The following GFOD2 variants were observed in gnomAD, a reference collection of about 807,000 sequenced individuals.
GFOD2 encodes glucose-fructose oxidoreductase domain-containing protein 2.
Under a neutral mutation model 24.6 loss-of-function variants are expected in GFOD2, and 9 were observed. The ratio of observed to expected loss-of-function variants is 0.37; its 90% confidence interval spans 0.22 to 0.64. The LOEUF (loss-of-function observed/expected upper bound fraction) is 0.64. Ranked by LOEUF, GFOD2 falls within the 30% of genes least tolerant of loss-of-function variation. The pLI is 0.65. For synonymous variants in GFOD2, 211 were observed against 224.8 expected (o/e 0.94, Z 0.55); for missense variants, 476 against 532.5 (o/e 0.89, Z 1.04).
chr16:67,690,396 C>CTTTTTT (rs1465691101), intron 1 of GFOD2, among the ~76,000 whole-genome samples: 1 of 148,612 alleles, frequency 6.7e-6, no homozygotes, highest in Non-Finnish European at 1.5e-5. Flanking sequence ...CCATTATTCA[C>CTTTTTT]TATTTTTTTT....
intron 1 of GFOD2, among the ~76,000 whole-genome samples, chr16:67,687,286 G>GA (rs927839833): frequency 2.0e-4 from 30 of 150,750 alleles, no homozygotes; most frequent in African/African-American, 5.8e-4. Context: ...ATGCTCACTA[G>GA]AAAAAAAAAT....
At chr16:67,678,083 T>G (rs2053195681) in intron 2 of GFOD2, among the ~76,000 whole-genome samples, 1 of 152,224 alleles carries the variant, frequency 6.6e-6, no homozygotes, top group Non-Finnish European at 1.5e-5. Context: ...CAAGATGGAT[T>G]CTGTTCACAC....
intron 1 of GFOD2, among the ~76,000 whole-genome samples, chr16:67,706,900 T>G (rs1422458093): frequency 1.3e-5 from 2 of 151,508 alleles, no homozygotes; most frequent in African/African-American, 4.9e-5. Context: ...CTACCAAAAA[T>G]GCAAAAAAAT....
At position 67,685,807 on chromosome 16, in the gene GFOD2, A is replaced by G; in HGVS notation, c.-87-5T>C. 7.0e-7 allele frequency: 1 copy of G among 1,429,364 alleles called. No homozygotes were observed. The highest frequency in any genetic ancestry group is 1.3e-5 in the South Asian group (1 of 77,252). The allele number at this position is 1,429,364 out of a possible 1,614,324, so 88.5% of individuals were successfully genotyped here. On this transcript the variant is annotated splice_region_variant and splice_polypyrimidine_tract_variant and intron_variant, in intron 1 of 2. Coordinates refer to ENST00000268797, the MANE Select transcript of GFOD2 (RefSeq NM_030819.4). ...CGTCCTGGTCAGACATGGCTCCTAG[A>G]ATAGCAAACATTACACTGGTTATTA...
At chr16:67,705,877 T>A (rs1007328891) in intron 1 of GFOD2, among the ~76,000 whole-genome samples, 3 of 146,476 alleles carry the variant, frequency 2.0e-5, no homozygotes, top group Non-Finnish European at 4.5e-5. Flanking sequence ...GAGGCGGAGG[T>A]TGCAGTGAGC....
intron 1 of GFOD2, among the ~76,000 whole-genome samples, chr16:67,690,170 T>C (rs1266160490): frequency 2.0e-5 from 3 of 152,146 alleles, no homozygotes; most frequent in African/African-American, 7.2e-5. Flanking sequence ...TCTGCTTTCA[T>C]TTGTTTGGGG....
rs1300151279 is a variant in GFOD2 at position 67,713,041 on chromosome 16, C to T, written c.-88+6122G>A. On this transcript the variant is annotated intron_variant, in intron 1 of 2. Transcript: ENST00000268797. ...GGGACTACAGGCATGCACCACCACA[C>T]CCAGCTAATTTTTTTTATTTTTTAT... is the stretch of plus-strand genomic sequence containing the variant. 2.7e-4 allele frequency among the ~76,000 whole-genome samples: 38 copies of T among 143,066 alleles called. 1 individual carries two copies. The highest frequency in any genetic ancestry group is 2.6e-3 in the Admixed American group (38 of 14,822). The allele number at this position is 143,066 out of a possible 152,430, so 93.9% of individuals were successfully genotyped here.
chr16:67,711,569 T>TC (rs2053473994), intron 1 of GFOD2, among the ~76,000 whole-genome samples: 1 of 152,122 alleles, frequency 6.6e-6, no homozygotes, highest in African/African-American at 2.4e-5. Context: ...ATCAGCCAGG[T>TC]CCTCTTTAAG....
intron 2 of GFOD2, chr16:67,681,013 C>G (rs2053221396): frequency 4.1e-6 from 4 of 985,276 alleles, no homozygotes; most frequent in Middle Eastern, 5.2e-4. Flanking sequence ...GGAGAGTAGC[C>G]CCTGACTGCT....
At chr16:67,704,642 A>C (rs903701579) in intron 1 of GFOD2, among the ~76,000 whole-genome samples, 1 of 152,226 alleles carries the variant, frequency 6.6e-6, no homozygotes, top group South Asian at 2.1e-4. Flanking sequence ...ATACTAAAAA[A>C]ACCAAATTGT....
intron 1 of GFOD2, among the ~76,000 whole-genome samples, chr16:67,692,018 G>GTGTGTGTGTA (rs1471622267): frequency 1.3e-5 from 2 of 151,912 alleles, no homozygotes; most frequent in Non-Finnish European, 2.9e-5. Flanking sequence ...TTCTACTCGT[G>GTGTGTGTGTA]TGTGTGTGTA....
Position 67,674,919 on chromosome 16 carries a change from C to T in GFOD2, c.*236G>A, listed in dbSNP as rs532200147. On this transcript the variant is annotated 3_prime_UTR_variant, in exon 3 of 3. Transcript: ENST00000268797. ...CTGGCATCACCATGAGGAGGCCTGG[C>T]GGCAGCTCTGCCCTGTGCACACCGT... 6 of 516,938 alleles carry T rather than the reference C, an allele frequency of 1.2e-5. No individual in the cohort carries two copies. The highest frequency in any genetic ancestry group is 2.9e-5 in the South Asian group (1 of 34,740). The allele number at this position is 516,938 out of a possible 1,614,324, so 32.0% of individuals were successfully genotyped here.
At chr16:67,715,396 A>G (rs1035830106) in intron 1 of GFOD2, among the ~76,000 whole-genome samples, 1 of 152,226 alleles carries the variant, frequency 6.6e-6, no homozygotes, top group African/African-American at 2.4e-5. Context: ...TCACATCACC[A>G]TGAGAGAAAA....
Position 67,675,380 on chromosome 16 carries a change from C to T in GFOD2, c.933G>A (p.Val311=). Residue 311 remains valine, a synonymous_variant, in exon 3 of 3, where the codon GTG becomes GTA. Coordinates refer to ENST00000268797, the MANE Select transcript of GFOD2 (RefSeq NM_030819.4). The part of the protein sequence containing the change: ...LLYLKGMVYM[V]QALRQSFQGQ... ...CCTGGAAGGACTGGCGCAAGGCCTG[C>T]ACCATGTAGACCATGCCCTTCAGGT... is the stretch of plus-strand genomic sequence containing the variant. The T allele has an allele frequency of 6.2e-7, 1 of 1,613,404 alleles. No homozygotes were observed. The highest frequency in any genetic ancestry group is 8.5e-7 in the Non-Finnish European group (1 of 1,179,974).
chr16:67,683,421 C>G (rs760850224), intron 2 of GFOD2: 8 of 1,229,450 alleles, frequency 6.5e-6, no homozygotes, highest in Non-Finnish European at 8.1e-6. Context: ...GGCAAGGAGT[C>G]AAGTGACCAA....
intron 2 of GFOD2, chr16:67,680,962 C>T: frequency 3.0e-6 from 3 of 985,422 alleles, no homozygotes; most frequent in African/African-American, 1.7e-5. Flanking sequence ...GTGTCACATA[C>T]CTGGGATAGG....
Position 67,675,294 on chromosome 16 carries a change from T to C in GFOD2, c.1019A>G (p.Asp340Gly). The C allele has an allele frequency of 2.5e-6, 4 of 1,612,910 alleles. No homozygotes were observed. In the South Asian group the frequency reaches 4.4e-5, roughly 18 times the overall value. ...TPVSMAASFE[D>G]GLYMQSVVDA... ...CACCACGCTCTGCATGTACAGCCCA[T>C]CCTCGAAGGAGGCGGCCATGGAGAC... The change falls in exon 3 of 3, where the codon GAT becomes GGT. Residue 340 changes from aspartate (D) to glycine (G), a missense_variant. Coordinates refer to ENST00000268797, the MANE Select transcript of GFOD2 (RefSeq NM_030819.4).
At chr16:67,708,675 C>T (rs1723010286) in intron 1 of GFOD2, among the ~76,000 whole-genome samples, 2 of 152,038 alleles carry the variant, frequency 1.3e-5, no homozygotes, top group South Asian at 4.2e-4. Flanking sequence ...AGTGGCAAGC[C>T]CTCACTTAGT....
intron 2 of GFOD2, chr16:67,681,189 CACCT>C: frequency 1.0e-6 from 1 of 985,480 alleles, no homozygotes; most frequent in Non-Finnish European, 1.2e-6. Context: ...TCAGACACCC[CACCT>C]GAGAGCTGCT....
Sources: allele counts gnomAD v4.1 joint callset (sites outside exome capture counted in the v4.1 genomes callset), GRCh38; gene constraint gnomAD v4.1.1; transcripts MANE v1.5; gene names NCBI Gene and HGNC (gene_info 2026-07-23, HGNC 2026-07-21).